Variants in ZBTB40 observed in about 807,000 individuals in gnomAD.
ZBTB40 encodes the protein zinc finger and BTB domain-containing protein 40.
A neutral mutation model predicts 117.5 loss-of-function variants in ZBTB40; 60 were observed. The observed-to-expected ratio is 0.51, with a 90% CI of 0.41 to 0.63. The LOEUF is 0.63. Ranked by LOEUF, ZBTB40 falls within the 30% of genes least tolerant of loss-of-function variation. ZBTB40 has a pLI of 0.00. For synonymous variants in ZBTB40, 525 were observed against 577.1 expected (o/e 0.91, Z 1.29); for missense variants, 1,287 against 1,498.5 (o/e 0.86, Z 2.33).
At chr1:22,433,956 T>A (rs1640636773) in intron 1 of ZBTB40, among the ~76,000 whole-genome samples, 1 of 152,134 alleles carries the variant, frequency 6.6e-6, no homozygotes, top group Non-Finnish European at 1.5e-5. Context: ...CATTCTTTAG[T>A]ACACATGCAG....
chr1:22,500,416 G>T (rs1021752740), intron 3 of ZBTB40, among the ~76,000 whole-genome samples: 1 of 152,164 alleles, frequency 6.6e-6, no homozygotes. Flanking sequence ...TTGCATAAAG[G>T]TGATAGTTAA....
chr1:22,463,368 A>G (rs1641174834), intron 1 of ZBTB40, among the ~76,000 whole-genome samples: 1 of 152,196 alleles, frequency 6.6e-6, no homozygotes, highest in African/African-American at 2.4e-5. Context: ...TGTGACCCAG[A>G]TTTATTCCCT....
intron 1 of ZBTB40, among the ~76,000 whole-genome samples, chr1:22,455,101 A>G (rs765991755): frequency 1.8e-4 from 27 of 152,312 alleles, no homozygotes; most frequent in Non-Finnish European, 3.4e-4. Context: ...ACAGCTGTCT[A>G]TGCAGAACAC....
At chr1:22,489,496 T>C (rs1463434325) in intron 1 of ZBTB40, among the ~76,000 whole-genome samples, 1 of 152,012 alleles carries the variant, frequency 6.6e-6, no homozygotes, top group African/African-American at 2.4e-5. Flanking sequence ...GGCTGAGAGC[T>C]TTTTGGGAGC....
chr1:22,483,058 G>A (rs543656822), intron 1 of ZBTB40, among the ~76,000 whole-genome samples: 4 of 145,790 alleles, frequency 2.7e-5, no homozygotes, highest in South Asian at 2.1e-4. Context: ...CAGCCCGGGC[G>A]ACAGAGCAGG....
At chr1:22,441,312 T>A (rs1640728967) in intron 1 of ZBTB40, among the ~76,000 whole-genome samples, 1 of 152,072 alleles carries the variant, frequency 6.6e-6, no homozygotes, top group Non-Finnish European at 1.5e-5. Context: ...TTCTCTAGAA[T>A]TAGTAGTAAT....
At position 22,456,546 on chromosome 1, in the gene ZBTB40, G is replaced by GC. The variant is rs760790983; in HGVS notation, c.-70+4545dup. The stretch of plus-strand genomic sequence containing the variant: ...GTTACTTTAATCTGATCTCAGAAAG[G>GC]CCCTTGACCCTTTAAAAGGTGCAGA... On this transcript the variant is annotated intron_variant, in intron 1 of 17. Coordinates refer to ENST00000375647, the MANE Select transcript of ZBTB40 (RefSeq NM_014870.4). Among the ~76,000 whole-genome samples the GC allele has an allele frequency of 2.6e-5, 4 of 152,216 alleles. No homozygotes were observed. In the East Asian group the frequency reaches 7.7e-4, roughly 29 times the overall value.
At chr1:22,446,789 C>A (rs1640794402) in intron 1 of ZBTB40, among the ~76,000 whole-genome samples, 1 of 127,576 alleles carries the variant, frequency 7.8e-6, no homozygotes, top group Non-Finnish European at 1.5e-5. Flanking sequence ...AAAAGAAGTT[C>A]TTTAGAGAGG....
Position 22,526,499 on chromosome 1 carries a change from C to CATATATATATA in ZBTB40, c.*103_*104insATATATATATA. On this transcript the variant is annotated 3_prime_UTR_variant, in exon 18 of 18. Transcript: ENST00000375647. ...CCTGGCTGTCCTGAGTGGTGAGCAT[C>CATATATATATA]TTAGCTTAGCACCAACCAACACAGT... is the stretch of plus-strand genomic sequence containing the variant. 1 of 1,441,092 alleles carries CATATATATATA rather than the reference C, an allele frequency of 6.9e-7. No individual in the cohort carries two copies. The highest frequency in any genetic ancestry group is 9.6e-7 in the Non-Finnish European group (1 of 1,037,426). The allele number at this position is 1,441,092 out of a possible 1,614,324, so 89.3% of individuals were successfully genotyped here. A position where few individuals can be genotyped will look rare whatever the true frequency, so the allele number is the denominator to read the frequency against.
chr1:22,490,134 T>C lies in ZBTB40; in HGVS notation c.186T>C (p.Asp62=), dbSNP rs987034007. The part of the protein sequence containing the change: ...LLDNTDTISI[D]ASVVSPEEFA... ...ATAACACAGATACCATCTCCATCGA[T>C]GCATCTGTGGTGAGCCCCGAGGAGT... The change falls in exon 2 of 18, where the codon GAT becomes GAC. Residue 62 remains aspartate (D), a synonymous_variant. Coordinates refer to ENST00000375647, the MANE Select transcript of ZBTB40 (RefSeq NM_014870.4). 3.0e-5 allele frequency: 48 copies of C among 1,614,052 alleles called. No individual in the cohort carries two copies. The highest frequency in any genetic ancestry group is 4.0e-5 in the Non-Finnish European group (47 of 1,180,026).
intron 1 of ZBTB40, among the ~76,000 whole-genome samples, chr1:22,454,261 A>G (rs1394876679): frequency 6.6e-6 from 1 of 152,196 alleles, no homozygotes; most frequent in Non-Finnish European, 1.5e-5. Flanking sequence ...CCTCGAACAA[A>G]TATTTTAGTG....
At position 22,491,426 on chromosome 1, in the gene ZBTB40, A is replaced by G. The variant is rs766319730; in HGVS notation, c.724A>G (p.Asn242Asp). 34 of 1,613,824 alleles carry G rather than the reference A, an allele frequency of 2.1e-5. No homozygotes were observed. The highest frequency in any genetic ancestry group is 2.9e-5 in the Non-Finnish European group (34 of 1,179,886). ...ATGTGAAAGGAAACACTACCAGCTG[A>G]ATTTTCTTCTAGAAAATGAAGGTGT... ...PGCERKHYQL[N>D]FLLENEGVFS... The change falls in exon 3 of 18, where the codon AAT becomes GAT. Residue 242 changes from asparagine (N) to aspartate (D), a missense_variant. Physicochemically the swap from Asn to Asp is conservative, Grantham distance 23. This residue lies in a region of ZBTB40 where 870 missense variants were observed against 934.4 expected (regional missense o/e 0.93). Transcript: ENST00000375647.
Position 22,528,813 on chromosome 1 carries a change from G to C in ZBTB40, c.*2417G>C, listed in dbSNP as rs1639752608. 6.6e-6 allele frequency: 1 copy of C among 151,898 alleles called. No individual in the cohort carries two copies. The highest frequency in any genetic ancestry group is 1.5e-5 in the Non-Finnish European group (1 of 68,044). 9.4% of individuals were successfully genotyped at this position (151,898 alleles called of 1,614,324 possible). A position where few individuals can be genotyped will look rare whatever the true frequency, so the allele number is the denominator to read the frequency against. ...GGCCTCCCAAAGTGCTAGGATTACA[G>C]ACATGAGCCACTACGCCTGGCCAGG... On this transcript the variant is annotated 3_prime_UTR_variant, in exon 18 of 18. Transcript: ENST00000375647.
chr1:22,502,170 G>A, intron 4 of ZBTB40, 129 bp from the exon 5 acceptor site: 1 of 1,056,530 alleles, frequency 9.5e-7, no homozygotes, highest in Admixed American at 2.0e-5. Context: ...AAGCGATTCT[G>A]CATTCAGGTG....
chr1:22,479,954 T>C (rs1638243388), intron 1 of ZBTB40, among the ~76,000 whole-genome samples: 1 of 152,196 alleles, frequency 6.6e-6, no homozygotes, highest in Non-Finnish European at 1.5e-5. Flanking sequence ...TCGCTGAGGC[T>C]GGAGTGCAGT....
At chr1:22,441,348 T>C (rs1640729258) in intron 1 of ZBTB40, among the ~76,000 whole-genome samples, 1 of 152,140 alleles carries the variant, frequency 6.6e-6, no homozygotes, top group Non-Finnish European at 1.5e-5. Flanking sequence ...CTTTTATTCT[T>C]AGTCTGTCTA....
At chr1:22,434,993 G>A (rs1285881319) in intron 1 of ZBTB40, among the ~76,000 whole-genome samples, 1 of 151,576 alleles carries the variant, frequency 6.6e-6, no homozygotes, top group East Asian at 1.9e-4. Flanking sequence ...CCGTTTGCTC[G>A]AGTTTTTCGT....
rs150871661 is a variant in ZBTB40 at position 22,466,100 on chromosome 1, A to T, written c.-70+14096A>T. Reference sequence around the variant, plus strand: ...GTCTCTATGGATTTGCTTATTCTGGACATTTCATATGAATGGAATCATATA... The same window carrying T: ...GTCTCTATGGATTTGCTTATTCTGGTCATTTCATATGAATGGAATCATATA... On this transcript the variant is annotated intron_variant, in intron 1 of 17. Transcript: ENST00000375647. Among the ~76,000 whole-genome samples, 47 of 152,316 alleles carry T rather than the reference A, an allele frequency of 3.1e-4. 2 individuals carry two copies. In the East Asian group the frequency reaches 7.9e-3, roughly 26 times the overall value.
At chr1:22,451,646 C>CA (rs1382781395), upstream of ZBTB40, among the ~76,000 whole-genome samples, 294 of 106,930 alleles carry the variant, frequency 2.7e-3, no homozygotes, top group East Asian at 0.027. Flanking sequence ...TCTCCCATCT[C>CA]AAAAAAAAAA....
Sources: gnomAD v4.1 joint callset for allele counts (sites outside exome capture counted in the v4.1 genomes callset) on GRCh38, gnomAD v4.1.1 for gene constraint, gnomAD v4.1.1 regional missense constraint, MANE v1.5 for transcripts, NCBI Gene and HGNC (gene_info 2026-07-23, HGNC 2026-07-21) for gene names.